Variants in PCDH9 observed in about 807,000 individuals in gnomAD.
The protein encoded by PCDH9 is protocadherin 9.
Under a neutral mutation model 70.6 loss-of-function variants are expected in PCDH9, and 24 were observed. The ratio of observed to expected loss-of-function variants is 0.34; its 90% CI spans 0.25 to 0.48. The LOEUF is 0.48. Ranked by LOEUF, PCDH9 falls within the 20% of genes least tolerant of loss-of-function variation. The pLI, the probability that PCDH9 is intolerant of heterozygous loss-of-function variation, is 0.99. For synonymous variants in PCDH9, 562 were observed against 558.5 expected, an observed-to-expected ratio of 1.01 and a Z score of -0.09; for missense variants, 1,281 against 1,503.6, an observed-to-expected ratio of 0.85 and a Z score of 2.45.
At chr13:66,818,341 TA>T (rs757161326) in intron 3 of PCDH9, among the ~76,000 whole-genome samples, 1 of 152,348 alleles carries the variant, frequency 6.6e-6, no homozygotes, top group African/African-American at 2.4e-5. Context: ...TTATTCTGTT[TA>T]TTTTTTCAAT....
intron 3 of PCDH9, among the ~76,000 whole-genome samples, chr13:66,633,143 C>A (rs577080784): frequency 5.4e-4 from 82 of 152,222 alleles, no homozygotes; most frequent in African/African-American, 1.9e-3. Context: ...GTTCAATGAT[C>A]TGTGTGAAAT....
At chr13:66,863,132 C>T (rs1162271752) in intron 3 of PCDH9, among the ~76,000 whole-genome samples, 1 of 152,110 alleles carries the variant, frequency 6.6e-6, no homozygotes, top group Non-Finnish European at 1.5e-5. Context: ...TACAATAGGG[C>T]TGCAGTAGTG....
Position 66,487,184 on chromosome 13 carries a change from T to C in PCDH9, c.3340+144026A>G, listed in dbSNP as rs201251756. ...CTTGTTTTGCCAGGATGCAGTGCTA[T>C]AGATTTCCATTGTGAATCAAGCCGT... On this transcript the variant is annotated intron_variant, in intron 4 of 4. Coordinates refer to ENST00000377865, the MANE Select transcript of PCDH9 (RefSeq NM_203487.3). 5.3e-5 allele frequency among the ~76,000 whole-genome samples: 8 copies of C among 152,228 alleles called. No individual in the cohort carries two copies. In the East Asian group the frequency reaches 1.3e-3, roughly 26 times the overall value.
At chr13:66,581,763 C>T (rs1368991537) in intron 4 of PCDH9, among the ~76,000 whole-genome samples, 1 of 152,044 alleles carries the variant, frequency 6.6e-6, no homozygotes, top group African/African-American at 2.4e-5. Context: ...CAATGGCAGT[C>T]CCCATTTCTT....
chr13:66,801,911 C>T (rs2080332447), intron 3 of PCDH9, among the ~76,000 whole-genome samples: 1 of 151,924 alleles, frequency 6.6e-6, no homozygotes, highest in Admixed American at 6.6e-5. Flanking sequence ...GCATACTCAA[C>T]AAATTCCAAA....
At chr13:67,074,960 G>T (rs951060883) in intron 2 of PCDH9, among the ~76,000 whole-genome samples, 6 of 151,960 alleles carry the variant, frequency 3.9e-5, no homozygotes, top group Non-Finnish European at 7.4e-5. Context: ...AATAGGATTT[G>T]CTCTTCCTAA....
chr13:66,975,951 G>C (rs2083610779), intron 2 of PCDH9, among the ~76,000 whole-genome samples: 1 of 152,038 alleles, frequency 6.6e-6, no homozygotes, highest in South Asian at 2.1e-4. Flanking sequence ...GTGAGATACA[G>C]TTAATCACAG....
chr13:67,084,292 C>T (rs2086048402), intron 2 of PCDH9, among the ~76,000 whole-genome samples: 1 of 152,132 alleles, frequency 6.6e-6, no homozygotes, highest in African/African-American at 2.4e-5. Flanking sequence ...TGACCCCATT[C>T]TTCTTTCTGT....
chr13:67,201,846 T>C (rs1438577981), intron 2 of PCDH9: 1 of 152,060 alleles, frequency 6.6e-6, no homozygotes, highest in Non-Finnish European at 1.5e-5. Context: ...TTTAATATAC[T>C]GTACTGTAAG....
chr13:66,720,895 G>A (rs972478097), intron 3 of PCDH9, among the ~76,000 whole-genome samples: 5 of 152,052 alleles, frequency 3.3e-5, no homozygotes, highest in Non-Finnish European at 7.4e-5. Context: ...ATGGAATCGT[G>A]GGTATACGCA....
intron 2 of PCDH9, among the ~76,000 whole-genome samples, chr13:66,926,807 C>T (rs192499489): frequency 2.6e-4 from 40 of 151,978 alleles, no homozygotes; most frequent in Admixed American, 2.0e-3. Context: ...TGGTAGAGTT[C>T]CTATTTTACA....
intron 3 of PCDH9, among the ~76,000 whole-genome samples, chr13:66,887,278 C>T (rs568641063): frequency 6.6e-6 from 1 of 152,096 alleles, no homozygotes; most frequent in South Asian, 2.1e-4. Context: ...TATTTCAGTT[C>T]CTCTTCCTTT....
chr13:66,440,517 T>A (rs1340766172), intron 4 of PCDH9, among the ~76,000 whole-genome samples: 1 of 152,102 alleles, frequency 6.6e-6, no homozygotes, highest in Non-Finnish European at 1.5e-5. Context: ...ACTATGTTAA[T>A]TTTATAATAA....
At chr13:66,787,982 A>T (rs1426680480) in intron 3 of PCDH9, among the ~76,000 whole-genome samples, 1 of 152,196 alleles carries the variant, frequency 6.6e-6, no homozygotes, top group African/African-American at 2.4e-5. Flanking sequence ...CATGTTTGAA[A>T]GAGGGAACAG....
intron 2 of PCDH9, among the ~76,000 whole-genome samples, chr13:67,157,923 A>G (rs1291458355): frequency 6.6e-6 from 1 of 152,172 alleles, no homozygotes; most frequent in African/African-American, 2.4e-5. Flanking sequence ...GACAACTCTC[A>G]CTGCAACCTG....
At chr13:67,013,235 A>G (rs2084487823) in intron 2 of PCDH9, among the ~76,000 whole-genome samples, 1 of 149,080 alleles carries the variant, frequency 6.7e-6, no homozygotes, top group African/African-American at 2.5e-5. Flanking sequence ...TCGAGGCCAT[A>G]TCCTAAACAT....
chr13:66,930,712 A>C (rs9571695), intron 2 of PCDH9, among the ~76,000 whole-genome samples: 27,162 of 152,036 alleles, frequency 0.18, 2,771 homozygotes, highest in East Asian at 0.35. Flanking sequence ...TGCACATATT[A>C]ATGGTAGCTT....
intron 4 of PCDH9, among the ~76,000 whole-genome samples, chr13:66,390,224 G>A (rs564016799): frequency 6.6e-6 from 1 of 152,200 alleles, no homozygotes; most frequent in Admixed American, 6.6e-5. Flanking sequence ...TGAATGGCAA[G>A]CATGATAGAC....
At chr13:66,394,825 C>T (rs991756359) in intron 4 of PCDH9, among the ~76,000 whole-genome samples, 1 of 152,092 alleles carries the variant, frequency 6.6e-6, no homozygotes, top group African/African-American at 2.4e-5. Context: ...CAACTATGCA[C>T]AGGAGATGAC....
Sources: allele counts gnomAD v4.1 joint callset (sites outside exome capture counted in the v4.1 genomes callset), GRCh38; gene constraint gnomAD v4.1.1; transcripts MANE v1.5; gene names NCBI Gene and HGNC (gene_info 2026-07-23, HGNC 2026-07-21).